Variants in RAB11FIP4 observed in about 807,000 individuals in gnomAD.
RAB11FIP4 encodes the protein rab11 family-interacting protein 4.
Under a neutral mutation model 74.3 loss-of-function variants are expected in RAB11FIP4, and 23 were observed. The observed-to-expected ratio is 0.31, with a 90% confidence interval of 0.22 to 0.44. RAB11FIP4 has a LOEUF of 0.44. Ranked by LOEUF, RAB11FIP4 falls within the 20% of genes least tolerant of loss-of-function variation. The pLI is 1.00. For synonymous variants in RAB11FIP4, 360 were observed against 359.9 expected (o/e 1.00, Z 0.00); for missense variants, 630 against 863.9 (o/e 0.73, Z 3.39).
chr17:31,427,975 T>C (rs1207847129), intron 1 of RAB11FIP4, among the ~76,000 whole-genome samples: 1 of 152,092 alleles, frequency 6.6e-6, no homozygotes, highest in African/African-American at 2.4e-5. Flanking sequence ...TTTACTGAAA[T>C]TTTGCAGGTC....
intron 3 of RAB11FIP4, among the ~76,000 whole-genome samples, chr17:31,434,462 G>A (rs1475941332): frequency 2.0e-5 from 3 of 152,122 alleles, no homozygotes; most frequent in African/African-American, 4.8e-5. Flanking sequence ...TGAGCTGAAC[G>A]CTTCCTGTTT....
In RAB11FIP4 at chr17:31,414,798, G is replaced by A. The variant is rs369483499; in HGVS notation, c.160-17015G>A. Reference sequence around the variant, plus strand: ...TTTTATCCCAGTGGGTCCCTGAGGCGGGGTCCTTCATTGGGCAGGGGCCCT... The same window carrying A: ...TTTTATCCCAGTGGGTCCCTGAGGCAGGGTCCTTCATTGGGCAGGGGCCCT... On this transcript the variant is annotated intron_variant, in intron 1 of 14. Transcript: ENST00000621161. Among the ~76,000 whole-genome samples, 7 of 152,316 alleles carry A rather than the reference G, an allele frequency of 4.6e-5. No homozygotes were observed. The South Asian group carries it at 6.2e-4, about 14-fold the overall frequency.
intron 3 of RAB11FIP4, among the ~76,000 whole-genome samples, chr17:31,475,334 G>A (rs2071780865): frequency 6.6e-6 from 1 of 152,170 alleles, no homozygotes; most frequent in African/African-American, 2.4e-5. Context: ...AAGGGCACTG[G>A]TGCGCTTCAA....
chr17:31,519,826 T>C (rs1206335208), intron 4 of RAB11FIP4, among the ~76,000 whole-genome samples: 2 of 152,114 alleles, frequency 1.3e-5, no homozygotes, highest in Non-Finnish European at 2.9e-5. Context: ...GGGGCCGTGC[T>C]GCTCGTGCTG....
chr17:31,445,567 TATATATATA>T (rs2071451369), intron 3 of RAB11FIP4, among the ~76,000 whole-genome samples: 5 of 12,674 alleles, frequency 3.9e-4, no homozygotes, highest in Non-Finnish European at 7.0e-4. Flanking sequence ...TATATATATA[TATATATATA>T]TATTTTTTTT....
At chr17:31,510,462 C>T (rs2072431918) in intron 3 of RAB11FIP4, among the ~76,000 whole-genome samples, 1 of 152,252 alleles carries the variant, frequency 6.6e-6, no homozygotes, top group African/African-American at 2.4e-5. Context: ...TATTTTTACC[C>T]TGCCTTGTCC....
intron 3 of RAB11FIP4, among the ~76,000 whole-genome samples, chr17:31,487,614 G>T (rs1214055135): frequency 6.6e-6 from 1 of 152,206 alleles, no homozygotes; most frequent in South Asian, 2.1e-4. Flanking sequence ...GGACTCATTA[G>T]GGGGTGGAGG....
chr17:31,461,437 T>C (rs1039954038), intron 3 of RAB11FIP4, among the ~76,000 whole-genome samples: 1 of 152,216 alleles, frequency 6.6e-6, no homozygotes, highest in African/African-American at 2.4e-5. Flanking sequence ...ATGGGTTACC[T>C]TGATGCAGGA....
chr17:31,397,941 C>CATGG (rs1201099837), intron 1 of RAB11FIP4, among the ~76,000 whole-genome samples: 3 of 151,636 alleles, frequency 2.0e-5, no homozygotes, highest in East Asian at 3.9e-4. Flanking sequence ...AGGGGTGCAT[C>CATGG]ATGGCTCACT....
intron 3 of RAB11FIP4, among the ~76,000 whole-genome samples, chr17:31,504,639 A>G (rs1191990692): frequency 6.6e-6 from 1 of 152,190 alleles, no homozygotes; most frequent in Non-Finnish European, 1.5e-5. Context: ...AATATTATCA[A>G]AACTAAGGAC....
intron 3 of RAB11FIP4, 121 bp downstream of exon 3, chr17:31,434,243 C>A: frequency 1.3e-6 from 1 of 770,500 alleles, no homozygotes; most frequent in Admixed American, 2.4e-5. Context: ...CCTTCTTGAG[C>A]ATCAGAGTCA....
intron 1 of RAB11FIP4, among the ~76,000 whole-genome samples, chr17:31,430,077 C>G (rs954203459): frequency 6.6e-5 from 10 of 152,070 alleles, no homozygotes; most frequent in African/African-American, 2.4e-4. Context: ...TGGGGGTGGT[C>G]AGGACAGACC....
intron 1 of RAB11FIP4, among the ~76,000 whole-genome samples, chr17:31,422,899 T>C (rs955545228): frequency 2.6e-5 from 4 of 151,798 alleles, no homozygotes; most frequent in Non-Finnish European, 4.4e-5. Context: ...TTAGCATTGG[T>C]ATCTATCTAT....
intron 1 of RAB11FIP4, among the ~76,000 whole-genome samples, chr17:31,430,512 G>A (rs945871794): frequency 4.7e-5 from 7 of 149,462 alleles, no homozygotes; most frequent in African/African-American, 1.2e-4. Flanking sequence ...CGCCCGCCAC[G>A]ACGCCCGGCT....
At chr17:31,443,120 A>T (rs2071421241) in intron 3 of RAB11FIP4, among the ~76,000 whole-genome samples, 1 of 152,190 alleles carries the variant, frequency 6.6e-6, no homozygotes, top group Non-Finnish European at 1.5e-5. Context: ...GAGAGGCTAA[A>T]ATTAGAACCC....
In RAB11FIP4 at chr17:31,505,428, T is replaced by TTATTATATAATAATATATA. The variant is rs1308501085; in HGVS notation, c.337-12223_337-12222insTATTATATAATAATATATA. On this transcript the variant is annotated intron_variant, in intron 3 of 14. Coordinates refer to ENST00000621161, the MANE Select transcript of RAB11FIP4 (RefSeq NM_032932.6). Reference sequence around the variant, plus strand: ...ATATAATAATTATTATATATTAATATATAATTATTATATAATATATAATAA... The same window carrying TTATTATATAATAATATATA: ...ATATAATAATTATTATATATTAATATTATTATATAATAATATATAATAATTATTATATAATATATAATAA... Among the ~76,000 whole-genome samples the TTATTATATAATAATATATA allele has an allele frequency of 2.0e-3, 138 of 70,306 alleles. 1 individual carries two copies. The highest frequency in any genetic ancestry group is 9.3e-3 in the African/African-American group (132 of 14,170). 46.1% of individuals were successfully genotyped at this position (70,306 alleles called of 152,430 possible). A position where few individuals can be genotyped will look rare whatever the true frequency, so the allele number is the denominator to read the frequency against.
chr17:31,397,322 G>A (rs1348243498), intron 1 of RAB11FIP4, among the ~76,000 whole-genome samples: 3 of 152,184 alleles, frequency 2.0e-5, no homozygotes, highest in African/African-American at 4.8e-5. Context: ...AGGCCTCCTC[G>A]GGACTGTGGC....
rs573845950 is a variant in RAB11FIP4 at position 31,454,005 on chromosome 17, C to G, written c.336+19883C>G. On this transcript the variant is annotated intron_variant, in intron 3 of 14. Transcript: ENST00000621161. ...CCTCCCACAACCGCATCCCCCCCAGCCCCACCCACAGCCACCTGCTGCTCT... is the reference window on the plus strand; with the variant it reads ...CCTCCCACAACCGCATCCCCCCCAGGCCCACCCACAGCCACCTGCTGCTCT... 3.9e-5 allele frequency among the ~76,000 whole-genome samples: 6 copies of G among 151,940 alleles called. No homozygotes were observed. The East Asian group carries it at 1.2e-3, about 30-fold the overall frequency.
intron 1 of RAB11FIP4, among the ~76,000 whole-genome samples, chr17:31,411,844 C>T (rs143211704): frequency 2.0e-5 from 3 of 152,354 alleles, no homozygotes; most frequent in African/African-American, 4.8e-5. Flanking sequence ...GACTGCAGGG[C>T]GTCCTTCCGA....
Sources: allele counts gnomAD v4.1 joint callset (sites outside exome capture counted in the v4.1 genomes callset), GRCh38; gene constraint gnomAD v4.1.1; transcripts MANE v1.5; gene names NCBI Gene and HGNC (gene_info 2026-07-23, HGNC 2026-07-21).